NAAA: variants seen among roughly 807,000 people sequenced by gnomAD.
The protein encoded by NAAA is N-acylethanolamine acid amidase.
A neutral mutation model predicts 44.8 loss-of-function variants in NAAA; 39 were observed. That is an observed-to-expected ratio of 0.87 (90% CI 0.67 to 1.14). The LOEUF is 1.14. NAAA is among the 50% of genes most tolerant of loss of function. The pLI is 0.00. For synonymous variants in NAAA, 178 were observed against 191.3 expected, an observed-to-expected ratio of 0.93 and a Z score of 0.58; for missense variants, 460 against 467.8, an observed-to-expected ratio of 0.98 and a Z score of 0.15.
chr4:75,913,604 A>C (rs1876096), downstream of NAAA: 610,802 of 854,944 alleles, frequency 0.71, 220,358 homozygotes, highest in African/African-American at 0.94. Context: ...TCAGGACAGC[A>C]GTTCAGAACC....
At chr4:75,918,933 A>G (rs1260449015) in intron 8 of NAAA, 144 bp from the exon 9 acceptor site, 11 of 713,954 alleles carry the variant, frequency 1.5e-5, no homozygotes, top group Non-Finnish European at 2.4e-5. Flanking sequence ...ACTCAAGCCC[A>G]GGAGTTCAAG....
In NAAA at chr4:75,914,957, C is replaced by T. The variant is rs199930989; in HGVS notation, c.1027G>A (p.Ala343Thr). 1,304 of 1,613,606 alleles carry T rather than the reference C, an allele frequency of 8.1e-4. 3 individuals are homozygous for T. The highest frequency in any genetic ancestry group is 1.7e-3 in the South Asian group (152 of 91,060). ...NFTIYTTVMS[A>T]GSPDKYMTRI... ...GTCATGTACTTGTCTGGGCTACCGG[C>T]GCTCATTACCGTAGTATAAATTGTG... is the stretch of plus-strand genomic sequence containing the variant. The change falls in exon 10 of 11, where the codon GCC becomes ACC. Residue 343 changes from alanine (A) to threonine (T), a missense_variant. Ala to Thr is a moderately conservative substitution (Grantham distance 58). Transcript: ENST00000286733.
intron 4 of NAAA, among the ~76,000 whole-genome samples, chr4:75,929,336 C>T (rs547567386): frequency 2.0e-5 from 3 of 152,222 alleles, no homozygotes; most frequent in African/African-American, 7.2e-5. Flanking sequence ...TGTCCAGAGA[C>T]TTAATATCAC....
At chr4:75,940,639 G>A (rs1728183505) in intron 1 of NAAA, 105 bp downstream of exon 1, 1 of 1,236,030 alleles carries the variant, frequency 8.1e-7, no homozygotes, top group Admixed American at 2.6e-5. Flanking sequence ...TCCAAGGGTG[G>A]CGGGGAGTAA....
intron 3 of NAAA, among the ~76,000 whole-genome samples, chr4:75,933,637 T>C (rs570140450): frequency 6.6e-6 from 1 of 152,268 alleles, no homozygotes; most frequent in Admixed American, 6.5e-5. Context: ...TTGTAAGATA[T>C]TTTATCTTGC....
chr4:75,940,666 G>A, intron 1 of NAAA, 78 bp downstream of exon 1: 1 of 1,430,764 alleles, frequency 7.0e-7, no homozygotes, highest in Non-Finnish European at 9.3e-7. Context: ...CCCGTTTAAA[G>A]CACTCTGAGC....
intron 6 of NAAA, 48 bp from the exon 7 acceptor site, chr4:75,920,848 T>G (rs761919105): frequency 6.2e-7 from 1 of 1,613,750 alleles, no homozygotes. Flanking sequence ...ATTTACGACA[T>G]AGCAGAGGAG....
chr4:75,921,990 A>G (rs969225608), intron 5 of NAAA, among the ~76,000 whole-genome samples: 3 of 152,208 alleles, frequency 2.0e-5, no homozygotes. Context: ...CCTTCGGTGG[A>G]GGGCCTGCTC....
At chr4:75,935,845 A>G (rs1727656383) in intron 3 of NAAA, 1 of 541,600 alleles carries the variant, frequency 1.8e-6, no homozygotes, top group Non-Finnish European at 3.2e-6. Flanking sequence ...GCATAAGTGG[A>G]TGATTGATCA....
At chr4:75,921,951 C>T (rs1400818055) in intron 5 of NAAA, among the ~76,000 whole-genome samples, 1 of 152,166 alleles carries the variant, frequency 6.6e-6, no homozygotes, top group Admixed American at 6.5e-5. Context: ...ATATGGGCTC[C>T]TTCCTAGAGC....
chr4:75,920,223 G>T (rs985828268), intron 7 of NAAA, among the ~76,000 whole-genome samples: 2 of 152,224 alleles, frequency 1.3e-5, no homozygotes, highest in Non-Finnish European at 2.9e-5. Context: ...CTGCAGAACT[G>T]AACAGTGGCC....
At position 75,918,742 on chromosome 4, in the gene NAAA, T is replaced by A; in HGVS notation, c.998+19A>T. 6.2e-7 allele frequency: 1 copy of A among 1,612,186 alleles called. No homozygotes were observed. Among genetic ancestry groups the A allele is most frequent in the Non-Finnish European group, 8.5e-7 (1 of 1,178,366 alleles). ...TTCTGGAGTGATGTGTGAACAGACA[T>A]GTTTAACAAGCCACTTACTTGTTAT... On this transcript the variant is annotated intron_variant, in intron 9 of 10. Transcript: ENST00000286733.
In NAAA at chr4:75,914,958, G is replaced by A. The variant is rs372188704; in HGVS notation, c.1026C>T (p.Ser342=). Reference sequence around the variant, plus strand: ...TCATGTACTTGTCTGGGCTACCGGCGCTCATTACCGTAGTATAAATTGTGA... The same window carrying A: ...TCATGTACTTGTCTGGGCTACCGGCACTCATTACCGTAGTATAAATTGTGA... ...NNFTIYTTVM[S]AGSPDKYMTR... is the part of the protein sequence containing the mutation. The change falls in exon 10 of 11, where the codon AGC becomes AGT. Residue 342 remains serine (S), a synonymous_variant. Coordinates refer to ENST00000286733, the MANE Select transcript of NAAA (RefSeq NM_014435.4). The A allele has an allele frequency of 7.6e-5, 123 of 1,613,570 alleles. 2 individuals are homozygous for A. In the South Asian group the frequency reaches 9.4e-4, roughly 12 times the overall value.
At chr4:75,914,760 G>T in intron 10 of NAAA, 108 bp downstream of exon 10, 2 of 665,164 alleles carry the variant, frequency 3.0e-6, no homozygotes, top group Non-Finnish European at 4.9e-6. Flanking sequence ...CCAGATGCTT[G>T]TCAGAAAATA....
intron 10 of NAAA, 32 bp downstream of exon 10, chr4:75,914,836 C>T: frequency 6.6e-7 from 1 of 1,523,502 alleles, no homozygotes; most frequent in Non-Finnish European, 9.1e-7. Context: ...ACACCCACCT[C>T]ACCCCCTCTC....
chr4:75,936,023 A>G (rs960204250), intron 3 of NAAA, 86 bp downstream of exon 3: 1 of 1,528,492 alleles, frequency 6.5e-7, no homozygotes, highest in Admixed American at 1.7e-5. Context: ...CTGATAACAC[A>G]CTTAAGTTAG....
Position 75,940,182 on chromosome 4 carries a change from C to CA in NAAA, c.207-18dup. ...ACTCTGTCCCTAGAAACAAAAAGCA[C>CA]AAGGGCGTCTGACCCGCTCAGAGGT... is the stretch of plus-strand genomic sequence containing the variant. On this transcript the variant is annotated splice_polypyrimidine_tract_variant and intron_variant, in intron 1 of 10. Transcript: ENST00000286733. The CA allele has an allele frequency of 6.2e-7, 1 of 1,610,200 alleles. No homozygotes were observed. The highest frequency in any genetic ancestry group is 8.5e-7 in the Non-Finnish European group (1 of 1,177,336).
chr4:75,922,054 C>T (rs772460162), intron 5 of NAAA, among the ~76,000 whole-genome samples: 1 of 152,182 alleles, frequency 6.6e-6, no homozygotes, highest in Non-Finnish European at 1.5e-5. Flanking sequence ...AGGAAGTACA[C>T]TGTATGCTCA....
At chr4:75,913,215 C>G (rs952270528), downstream of NAAA, among the ~76,000 whole-genome samples, 25 of 152,218 alleles carry the variant, frequency 1.6e-4, no homozygotes, top group African/African-American at 5.5e-4. Context: ...TGTAGATTCA[C>G]TGAGCACCAA....
Sources: gnomAD v4.1 joint callset for allele counts (sites outside exome capture counted in the v4.1 genomes callset) on GRCh38, gnomAD v4.1.1 for gene constraint, MANE v1.5 for transcripts, NCBI Gene and HGNC (gene_info 2026-07-23, HGNC 2026-07-21) for gene names.